The following MYO15B variants were observed in gnomAD, a reference collection of about 807,000 sequenced individuals.
MYO15B encodes myosin XVB, also known as myosin XVB pseudogene.
A neutral mutation model predicts 119.3 loss-of-function variants in MYO15B; 207 were observed. That is an observed-to-expected ratio of 1.73 (90% CI 1.55 to 1.95). The LOEUF is 1.95. Among genes scored for constraint, MYO15B ranks in the 30% most tolerant of loss-of-function variants. The pLI is 0.00. For missense variants in MYO15B, 2,264 were observed against 1,203.1 expected, an observed-to-expected ratio of 1.88 and a Z score of -13.04; for synonymous variants, 966 against 498.9, an observed-to-expected ratio of 1.94 and a Z score of -12.48.
At chr17:75,602,976 A>T (rs1319247779) in intron 17 of MYO15B, 31 bp downstream of exon 17, 1 of 700,702 alleles carries the variant, frequency 1.4e-6, no homozygotes, top group African/African-American at 1.7e-5. Flanking sequence ...ACCAGACCCC[A>T]GGGAGTTGTA....
exon 14 of MYO15B, chr17:75,596,823 A>G (rs1444154242): frequency 1.4e-6 from 1 of 702,812 alleles, no homozygotes; most frequent in South Asian, 1.5e-5. Context: ...CCTCCGAGGG[A>G]GTCCTGCCTA....
rs530674845 is a variant in MYO15B at position 75,610,977 on chromosome 17, T to C, written c.4446+18T>C. The C allele has an allele frequency of 2.4e-5, 17 of 702,664 alleles. No individual in the cohort carries two copies. The highest frequency in any genetic ancestry group is 1.7e-4 in the African/African-American group (10 of 57,262). 43.5% of individuals were successfully genotyped at this position (702,664 alleles called of 1,614,324 possible). On this transcript the variant is annotated intron_variant, in intron 23 of 63. Coordinates refer to ENST00000645453, the Ensembl canonical transcript of MYO15B. ...CAAGCATGGTAGGTGGCCTGGAAAG[T>C]GGGGGGTTTTACATGGGGCTATGAA...
At chr17:75,611,051 G>T (rs970891063) in intron 23 of MYO15B, 92 bp downstream of exon 23, 1 of 698,980 alleles carries the variant, frequency 1.4e-6, no homozygotes, top group Non-Finnish European at 2.6e-6. Context: ...GCTACCGTGG[G>T]TCTTGTCCCT....
In MYO15B at chr17:75,613,785, G is replaced by A. The variant is rs1433881433; in HGVS notation, c.5219+8G>A. ...GTGGATCCTGCAGAGCAGGTATGGGGACCGGGGATGGGGGACAGTGTGGCC... is the reference window on the plus strand; with the variant it reads ...GTGGATCCTGCAGAGCAGGTATGGGAACCGGGGATGGGGGACAGTGTGGCC... On this transcript the variant is annotated splice_region_variant and intron_variant, in intron 29 of 63. Transcript: ENST00000645453. The A allele has an allele frequency of 1.4e-6, 1 of 699,958 alleles. No individual in the cohort carries two copies. 43.4% of individuals were successfully genotyped at this position (699,958 alleles called of 1,614,324 possible). A position where few individuals can be genotyped will look rare whatever the true frequency, so the allele number is the denominator to read the frequency against.
chr17:75,596,594 G>A (rs1257337755), intron 13 of MYO15B, 39 bp downstream of exon 13: 1 of 701,826 alleles, frequency 1.4e-6, no homozygotes, highest in Non-Finnish European at 2.6e-6. Flanking sequence ...GGGCCGCTCA[G>A]GCATTGCCCA....
At chr17:75,625,409 T>A in intron 60 of MYO15B, 118 bp from the exon 61 acceptor site, 1 of 657,574 alleles carries the variant, frequency 1.5e-6, no homozygotes. Context: ...CTCACCTCAT[T>A]CATGTGTATG....
At chr17:75,591,191 G>C (rs1461538139) in exon 4 of MYO15B, 1 of 702,964 alleles carries the variant, frequency 1.4e-6, no homozygotes. Context: ...TGCCATCGTG[G>C]CATCAGCCTA....
Position 75,619,236 on chromosome 17 carries a change from A to G in MYO15B, c.7063+18A>G, listed in dbSNP as rs1408102603. The G allele has an allele frequency of 2.8e-6, 2 of 702,758 alleles. No individual in the cohort carries two copies. Among genetic ancestry groups the G allele is most frequent in the South Asian group, 1.5e-5 (1 of 67,604 alleles). The allele number at this position is 702,758 out of a possible 1,614,324, so 43.5% of individuals were successfully genotyped here. On this transcript the variant is annotated intron_variant, in intron 44 of 63. Transcript: ENST00000645453. ...CCTGCTGGGTATGGGTCCAGGGACCATGGAGTTGGGAGCTTGAGTGCTGGG... is the reference window on the plus strand; with the variant it reads ...CCTGCTGGGTATGGGTCCAGGGACCGTGGAGTTGGGAGCTTGAGTGCTGGG...
exon 56 of MYO15B, chr17:75,624,195 G>C: frequency 1.4e-6 from 1 of 702,978 alleles, no homozygotes; most frequent in African/African-American, 1.7e-5. Context: ...GAGCAGCCAG[G>C]AGCACCTCCA....
At chr17:75,626,318 G>T in intron 63 of MYO15B, 89 bp from the exon 64 acceptor site, 1 of 698,360 alleles carries the variant, frequency 1.4e-6, no homozygotes, top group East Asian at 2.7e-5. Context: ...GGCCCAGGCC[G>T]ATGCCCACTG....
chr17:75,597,207 C>T (rs570180283), intron 14 of MYO15B, among the ~76,000 whole-genome samples: 4 of 152,324 alleles, frequency 2.6e-5, no homozygotes, highest in South Asian at 2.1e-4. Context: ...GGGGACTGCA[C>T]GAGGCTCATG....
intron 43 of MYO15B, 81 bp downstream of exon 43, chr17:75,618,266 G>A (rs1436601672): frequency 1.4e-6 from 1 of 694,512 alleles, no homozygotes; most frequent in African/African-American, 1.7e-5. Flanking sequence ...GCTGGGCCAG[G>A]TTAACACCAC....
Position 75,619,876 on chromosome 17 carries a change from C to T in MYO15B, c.7302-3C>T, listed in dbSNP as rs1023213540. The T allele has an allele frequency of 1.4e-6, 1 of 702,380 alleles. No individual in the cohort carries two copies. The highest frequency in any genetic ancestry group is 1.7e-5 in the African/African-American group (1 of 57,392). 43.5% of individuals were successfully genotyped at this position (702,380 alleles called of 1,614,324 possible). ...CCTCAGTTCATGCCCGATCCCTGCG[C>T]AGCTTTGCGGAGGTGCTGGGTGTGG... On this transcript the variant is annotated splice_polypyrimidine_tract_variant and splice_region_variant and intron_variant, in intron 46 of 63. Coordinates refer to ENST00000645453, the Ensembl canonical transcript of MYO15B.
intron 21 of MYO15B, 47 bp from the exon 22 acceptor site, chr17:75,610,119 A>C: frequency 1.5e-6 from 1 of 647,742 alleles, no homozygotes; most frequent in Non-Finnish European, 2.8e-6. Context: ...GGCAGGAAGC[A>C]TAAGTTTGGA....
exon 47 of MYO15B, chr17:75,619,897 T>G: frequency 1.4e-6 from 1 of 702,018 alleles, no homozygotes; most frequent in Non-Finnish European, 2.6e-6. Context: ...AGGTGCTGGG[T>G]GTGGAGTGCC....
In MYO15B at chr17:75,596,310, G is replaced by A. The variant is rs904269910; in HGVS notation, c.3298-150G>A. On this transcript the variant is annotated intron_variant, in intron 12 of 63. Transcript: ENST00000645453. ...GCAGGGCTGAGGTAGCCCGTGTGCT[G>A]TGCCGGATCCTTTAGACTTGACCCT... The A allele has an allele frequency of 9.8e-6, 6 of 612,008 alleles. No individual in the cohort carries two copies. The African/African-American group carries it at 1.1e-4, about 11-fold the overall frequency. The allele number at this position is 612,008 out of a possible 1,614,324, so 37.9% of individuals were successfully genotyped here.
intron 9 of MYO15B, 140 bp from the exon 10 acceptor site, chr17:75,594,335 C>G (rs942648776): frequency 9.8e-6 from 5 of 510,888 alleles, no homozygotes; most frequent in African/African-American, 7.8e-5. Context: ...AGCCTCGCTC[C>G]TAATGGCCCA....
intron 21 of MYO15B, among the ~76,000 whole-genome samples, chr17:75,608,364 C>T (rs1041655861): frequency 5.3e-5 from 8 of 152,056 alleles, no homozygotes; most frequent in African/African-American, 1.7e-4. Context: ...GGTGATCCAC[C>T]TCAGGTGATC....
At chr17:75,617,022 C>G in intron 40 of MYO15B, 61 bp downstream of exon 40, 2 of 696,468 alleles carry the variant, frequency 2.9e-6, no homozygotes. Context: ...GCTCAAGGCT[C>G]TCTGGGGCGA....
Sources: gnomAD v4.1 joint callset for allele counts (sites outside exome capture counted in the v4.1 genomes callset) on GRCh38, gnomAD v4.1.1 for gene constraint, MANE v1.5 for transcripts, NCBI Gene and HGNC (gene_info 2026-07-23, HGNC 2026-07-21) for gene names.